Variants in C12orf42 observed in about 807,000 individuals in gnomAD.
C12orf42 encodes the protein chromosome 12 open reading frame 42.
Under a neutral mutation model 21.6 loss-of-function variants are expected in C12orf42, and 25 were observed. The ratio of observed to expected loss-of-function variants is 1.16; its 90% confidence interval spans 0.84 to 1.62. The LOEUF is 1.62. Among genes scored for constraint, C12orf42 ranks in the 40% most tolerant of loss-of-function variants. The pLI is 0.00. For synonymous variants in C12orf42, 174 were observed against 175.0 expected (o/e 0.99, Z 0.05); for missense variants, 483 against 459.3 (o/e 1.05, Z -0.47).
intron 3 of C12orf42, among the ~76,000 whole-genome samples, chr12:103,377,263 G>T (rs577183938): frequency 6.6e-6 from 1 of 151,758 alleles, no homozygotes; most frequent in Non-Finnish European, 1.5e-5. Context: ...TATGTTAAAA[G>T]CCTTCCTCAA....
At chr12:103,199,848 T>C in the C12orf42 span, among the ~76,000 whole-genome samples, 1 of 152,022 alleles carries the variant, frequency 6.6e-6, no homozygotes, top group Non-Finnish European at 1.5e-5. Flanking sequence ...TGGTGAAAAT[T>C]TGGAGAAAAA....
At chr12:103,084,520 G>T in the C12orf42 span, among the ~76,000 whole-genome samples, 1 of 152,072 alleles carries the variant, frequency 6.6e-6, no homozygotes, top group African/African-American at 2.4e-5. Flanking sequence ...TTAAGATTCA[G>T]TTGTAGATAT....
At chr12:103,108,734 G>T in the C12orf42 span, among the ~76,000 whole-genome samples, 163 of 152,182 alleles carry the variant, frequency 1.1e-3, 2 homozygotes, top group Non-Finnish European at 1.6e-3. Flanking sequence ...TGTATGGAAG[G>T]TCTTAGCTAG....
chr12:103,325,505 A>T (rs1225254117), intron 4 of C12orf42, among the ~76,000 whole-genome samples: 1 of 152,238 alleles, frequency 6.6e-6, no homozygotes, highest in Non-Finnish European at 1.5e-5. Flanking sequence ...ACGGCTAAGC[A>T]AACAGCCAGT....
At chr12:103,354,937 C>T (rs956408719) in intron 4 of C12orf42, among the ~76,000 whole-genome samples, 1 of 152,060 alleles carries the variant, frequency 6.6e-6, no homozygotes, top group African/African-American at 2.4e-5. Context: ...AGAAATGATA[C>T]ATGTTTGAGT....
At chr12:103,405,165 C>A (rs1183430513) in intron 2 of C12orf42, among the ~76,000 whole-genome samples, 1 of 152,130 alleles carries the variant, frequency 6.6e-6, no homozygotes, top group African/African-American at 2.4e-5. Flanking sequence ...GAATAAGGTA[C>A]TAGGGAAGAT....
intron 5 of C12orf42, among the ~76,000 whole-genome samples, chr12:103,271,320 C>T (rs1194585644): frequency 3.3e-5 from 5 of 152,124 alleles, no homozygotes; most frequent in African/African-American, 9.7e-5. Flanking sequence ...TGGGAAGATA[C>T]AATGTTTAGA....
the C12orf42 span, among the ~76,000 whole-genome samples, chr12:103,064,488 T>C: frequency 6.6e-6 from 1 of 152,244 alleles, no homozygotes; most frequent in South Asian, 2.1e-4. Flanking sequence ...ACTGTATTCC[T>C]ACTTAATTTA....
the C12orf42 span, among the ~76,000 whole-genome samples, chr12:103,535,236 C>T: frequency 6.6e-6 from 1 of 152,084 alleles, no homozygotes; most frequent in Non-Finnish European, 1.5e-5. Flanking sequence ...AAAGTTGCCT[C>T]AGATGGAAAG....
At chr12:103,288,672 G>A (rs923328201) in intron 4 of C12orf42, among the ~76,000 whole-genome samples, 1 of 152,082 alleles carries the variant, frequency 6.6e-6, no homozygotes, top group African/African-American at 2.4e-5. Context: ...ACGTGTAAAA[G>A]ATTTTGCCCT....
At chr12:103,367,927 A>C in intron 4 of C12orf42, 1 of 545,028 alleles carries the variant, frequency 1.8e-6, no homozygotes, top group Middle Eastern at 7.2e-4. Context: ...TACATATGTA[A>C]TGAATTTTAT....
intron 3 of C12orf42, among the ~76,000 whole-genome samples, chr12:103,383,829 A>G (rs2046373169): frequency 6.6e-6 from 1 of 152,238 alleles, no homozygotes; most frequent in African/African-American, 2.4e-5. Context: ...ATGAGATAAT[A>G]CCAATAAGGT....
chr12:103,431,152 A>C (rs991521268), intron 2 of C12orf42: 1 of 152,190 alleles, frequency 6.6e-6, no homozygotes, highest in Non-Finnish European at 1.5e-5. Flanking sequence ...GACATTTATC[A>C]AGAATGTAAT....
At chr12:103,266,870 TC>T (rs1429623338), downstream of C12orf42, among the ~76,000 whole-genome samples, 2 of 152,054 alleles carry the variant, frequency 1.3e-5, no homozygotes, top group Non-Finnish European at 2.9e-5. Context: ...AAAATAACCT[TC>T]TAGGGTATCT....
chr12:103,449,872 C>A (rs1465863740), intron 2 of C12orf42, among the ~76,000 whole-genome samples: 1 of 150,624 alleles, frequency 6.6e-6, no homozygotes, highest in Non-Finnish European at 1.5e-5. Context: ...GAAGAATGAC[C>A]ATCTTTATAA....
At chr12:103,405,150 G>A (rs888060259) in intron 2 of C12orf42, among the ~76,000 whole-genome samples, 1 of 152,176 alleles carries the variant, frequency 6.6e-6, no homozygotes, top group Non-Finnish European at 1.5e-5. Flanking sequence ...TTAAAAAGGA[G>A]GAGGGAATAA....
chr12:103,388,265 T>C (rs1025649283), intron 3 of C12orf42, among the ~76,000 whole-genome samples: 26 of 152,162 alleles, frequency 1.7e-4, no homozygotes, highest in African/African-American at 6.0e-4. Context: ...TCTCTCTCCC[T>C]GTTTTCTCCA....
intron 3 of C12orf42, among the ~76,000 whole-genome samples, chr12:103,393,798 C>G (rs2047280081): frequency 6.6e-6 from 1 of 152,178 alleles, no homozygotes; most frequent in Admixed American, 6.5e-5. Context: ...ATACACATCT[C>G]TTAGAAATCA....
intron 4 of C12orf42, among the ~76,000 whole-genome samples, chr12:103,294,029 A>C (rs1429310397): frequency 6.6e-6 from 1 of 152,146 alleles, no homozygotes; most frequent in Non-Finnish European, 1.5e-5. Context: ...TGTTCAGTAA[A>C]TATTTTAGAA....
Sources: allele counts gnomAD v4.1 joint callset (sites outside exome capture counted in the v4.1 genomes callset), GRCh38; gene constraint gnomAD v4.1.1; transcripts MANE v1.5; gene names NCBI Gene and HGNC (gene_info 2026-07-23, HGNC 2026-07-21).